Variants in RASGEF1A observed in about 807,000 individuals in gnomAD.
The protein encoded by RASGEF1A is RasGEF domain family member 1A.
RASGEF1A carries 18 observed loss-of-function variants against 56.4 expected under a neutral mutation model. The ratio of observed to expected loss-of-function variants is 0.32; its 90% confidence interval spans 0.22 to 0.47. The LOEUF (loss-of-function observed/expected upper bound fraction) is 0.47, where lower values mean the gene tolerates loss of function less well. Among genes scored for constraint, RASGEF1A ranks in the 20% least tolerant of loss-of-function variants. RASGEF1A has a pLI of 1.00. For synonymous variants in RASGEF1A, 245 were observed against 242.6 expected, an observed-to-expected ratio of 1.01 and a Z score of -0.09; for missense variants, 422 against 627.1, an observed-to-expected ratio of 0.67 and a Z score of 3.49.
intron 1 of RASGEF1A, among the ~76,000 whole-genome samples, chr10:43,260,306 T>C (rs28461806): frequency 1.6e-5 from 2 of 123,498 alleles, no homozygotes; most frequent in Non-Finnish European, 3.7e-5. Flanking sequence ...CTGCTGCTCC[T>C]TCCTCTCCAC....
intron 1 of RASGEF1A, among the ~76,000 whole-genome samples, chr10:43,228,223 G>A (rs998562778): frequency 6.6e-6 from 1 of 152,100 alleles, no homozygotes; most frequent in African/African-American, 2.4e-5. Flanking sequence ...CTCTGCCCTG[G>A]CCTTTTCCTG....
rs144394346 is a variant in RASGEF1A at position 43,200,752 on chromosome 10, G to C, written c.596C>G (p.Thr199Ser). The stretch of plus-strand genomic sequence containing the variant: ...GTCCTTCTGGGCGGCTGGTGGCTTG[G>C]TCTTGAGGATGGGCCCCTTGTCTAC... ...PAVDKGPILK[T>S]KPPAAQKDIL... The change falls in exon 5 of 13, where the codon ACC (threonine) becomes AGC (serine). Residue 199 changes from threonine to serine, a missense_variant. Thr to Ser is a moderately conservative substitution (Grantham distance 58). Coordinates refer to ENST00000395810, the MANE Select transcript of RASGEF1A (RefSeq NM_145313.4). 8.7e-6 allele frequency: 14 copies of C among 1,613,790 alleles called. No individual in the cohort carries two copies. In the African/African-American group the frequency reaches 1.5e-4, roughly 17 times the overall value.
At position 43,259,920 on chromosome 10, in the gene RASGEF1A, C is replaced by T. The variant is rs950549630; in HGVS notation, c.-7+6925G>A. Reference sequence around the variant, plus strand: ...TCAGGAGCTGGACGGAGGGGCAGGGCGGGGACGGCAGGAAGGCTCGGAGAG... The same window carrying T: ...TCAGGAGCTGGACGGAGGGGCAGGGTGGGGACGGCAGGAAGGCTCGGAGAG... On this transcript the variant is annotated intron_variant, in intron 1 of 12. Coordinates refer to ENST00000395810, the MANE Select transcript of RASGEF1A (RefSeq NM_145313.4). 5.5e-5 allele frequency among the ~76,000 whole-genome samples: 8 copies of T among 146,020 alleles called. No homozygotes were observed. In the East Asian group the frequency reaches 6.9e-4, roughly 13 times the overall value.
rs370114386 is a variant in RASGEF1A, at chr10:43,200,936, G to T, written c.460-48C>A. The T allele has an allele frequency of 5.2e-6, 8 of 1,538,928 alleles. No individual in the cohort carries two copies. In the African/African-American group the frequency reaches 9.5e-5, roughly 18 times the overall value. ...GGTGCCAGCATGGGCTGGCAGCAAG[G>T]CCACCACCACTGTGGGTAGGATCCA... On this transcript the variant is annotated intron_variant, in intron 4 of 12. Coordinates refer to ENST00000395810, the MANE Select transcript of RASGEF1A (RefSeq NM_145313.4).
At chr10:43,244,157 T>C (rs1235324968) in intron 1 of RASGEF1A, among the ~76,000 whole-genome samples, 1 of 152,230 alleles carries the variant, frequency 6.6e-6, no homozygotes, top group Non-Finnish European at 1.5e-5. Flanking sequence ...TGGTGCAAGA[T>C]GTGCTTTGTT....
intron 1 of RASGEF1A, among the ~76,000 whole-genome samples, chr10:43,214,222 G>C (rs1454725546): frequency 6.6e-6 from 1 of 152,198 alleles, no homozygotes; most frequent in Non-Finnish European, 1.5e-5. Flanking sequence ...ACTGCAGCCA[G>C]AGCCTGCTGT....
At chr10:43,206,227 G>T in intron 1 of RASGEF1A, 105 bp from the exon 2 acceptor site, 1 of 975,668 alleles carries the variant, frequency 1.0e-6, no homozygotes, top group Non-Finnish European at 1.5e-6. Flanking sequence ...GCAGGGGTGC[G>T]TGGCAGGGGC....
intron 1 of RASGEF1A, chr10:43,207,295 C>G: frequency 1.0e-6 from 1 of 985,450 alleles, no homozygotes; most frequent in East Asian, 1.1e-4. Flanking sequence ...CAAATTGTTG[C>G]CATGATTACT....
rs12570866 is a variant in RASGEF1A at position 43,206,435 on chromosome 10, C to T, written c.-6-313G>A. Among the ~76,000 whole-genome samples, 1,282 of 152,314 alleles carry T rather than the reference C, an allele frequency of 8.4e-3. 53 individuals carry two copies. The East Asian group carries it at 0.096, about 11-fold the overall frequency. On this transcript the variant is annotated intron_variant, in intron 1 of 12. Transcript: ENST00000395810. ...TGTCCAAGAAGGGACAGGGAGCCTG[C>T]GGTGGGCAGTCAGGGCTGCCTGGGG...
At chr10:43,202,347 G>A (rs937515002) in intron 3 of RASGEF1A, among the ~76,000 whole-genome samples, 4 of 152,196 alleles carry the variant, frequency 2.6e-5, no homozygotes, top group Non-Finnish European at 4.4e-5. Flanking sequence ...GCTGAAAGGG[G>A]TGTGACCCCG....
intron 1 of RASGEF1A, among the ~76,000 whole-genome samples, chr10:43,232,454 C>T (rs1314455643): frequency 6.7e-6 from 1 of 150,162 alleles, no homozygotes. Context: ...CTAATTAAAC[C>T]TCTTTTCTTT....
intron 6 of RASGEF1A, 33 bp from the exon 7 acceptor site, chr10:43,199,801 G>A (rs1314161549): frequency 2.6e-6 from 4 of 1,568,328 alleles, no homozygotes; most frequent in African/African-American, 2.7e-5. Context: ...TAGGGGGCCT[G>A]GAGGACCATG....
rs188751600 is a variant in RASGEF1A at position 43,243,896 on chromosome 10, G to A, written c.-7+22949C>T. 9.3e-4 allele frequency among the ~76,000 whole-genome samples: 142 copies of A among 152,338 alleles called. 2 individuals are homozygous for A. In the East Asian group the frequency reaches 0.025, roughly 26 times the overall value. On this transcript the variant is annotated intron_variant, in intron 1 of 12. Transcript: ENST00000395810. ...TACCCAACAGCTCCGAAGAGACAGC[G>A]ACCATCGAGAATGGGCCATGATGAC...
intron 7 of RASGEF1A, 123 bp from the exon 8 acceptor site, chr10:43,199,317 G>A: frequency 2.7e-6 from 2 of 749,878 alleles, no homozygotes; most frequent in South Asian, 3.1e-5. Context: ...ACAGCGGGCT[G>A]ATCCAGGTCC....
intron 1 of RASGEF1A, among the ~76,000 whole-genome samples, chr10:43,218,240 C>T (rs141597787): frequency 6.6e-6 from 1 of 152,166 alleles, no homozygotes; most frequent in East Asian, 1.9e-4. Flanking sequence ...GGTGCTGCCC[C>T]CTCCCTCATC....
At chr10:43,213,185 T>C (rs78157858) in intron 1 of RASGEF1A, among the ~76,000 whole-genome samples, 8,559 of 151,636 alleles carry the variant, frequency 0.056, 625 homozygotes, top group African/African-American at 0.17. Flanking sequence ...CTCAGGTGGC[T>C]ATAGTTTGCA....
At chr10:43,207,954 C>G in intron 1 of RASGEF1A, 1 of 843,952 alleles carries the variant, frequency 1.2e-6, no homozygotes. Context: ...TGGGTTTAAC[C>G]TAGACTGTTG....
intron 1 of RASGEF1A, among the ~76,000 whole-genome samples, chr10:43,256,200 G>GTGA (rs1840687372): frequency 6.6e-6 from 1 of 152,220 alleles, no homozygotes; most frequent in Non-Finnish European, 1.5e-5. Context: ...AGGATGCTGA[G>GTGA]GGGGCCTGGA....
intron 1 of RASGEF1A, among the ~76,000 whole-genome samples, chr10:43,242,094 C>T (rs867476754): frequency 5.3e-5 from 8 of 152,156 alleles, no homozygotes; most frequent in East Asian, 1.9e-4. Flanking sequence ...GCCAAGACTG[C>T]GCCACTGCAC....
Sources: gnomAD v4.1 joint callset for allele counts (sites outside exome capture counted in the v4.1 genomes callset) on GRCh38, gnomAD v4.1.1 for gene constraint, MANE v1.5 for transcripts, NCBI Gene and HGNC (gene_info 2026-07-23, HGNC 2026-07-21) for gene names.